The following SEMA3A variants were observed in gnomAD, a reference collection of about 807,000 sequenced individuals.
SEMA3A encodes semaphorin-3A.
Under a neutral mutation model 97.9 loss-of-function variants are expected in SEMA3A, and 29 were observed. That is an observed-to-expected ratio of 0.30 (90% CI 0.22 to 0.40). SEMA3A has a LOEUF of 0.40. Among genes scored for constraint, SEMA3A ranks in the 10% least tolerant of loss-of-function variants. The pLI, the probability that SEMA3A is intolerant of heterozygous loss-of-function variation, is 1.00. For synonymous variants in SEMA3A, 321 were observed against 323.7 expected, an observed-to-expected ratio of 0.99 and a Z score of 0.09; for missense variants, 763 against 951.3, an observed-to-expected ratio of 0.80 and a Z score of 2.60.
chr7:84,366,733 C>G (rs924268241), intron 2 of SEMA3A, among the ~76,000 whole-genome samples: 2 of 151,424 alleles, frequency 1.3e-5, no homozygotes, highest in Admixed American at 1.3e-4. Context: ...TAAACAACAA[C>G]TGAGAAAAGG....
At chr7:84,452,471 A>C (rs1297275535) in intron 1 of SEMA3A, among the ~76,000 whole-genome samples, 1 of 152,204 alleles carries the variant, frequency 6.6e-6, no homozygotes, top group East Asian at 1.9e-4. Context: ...GCCATTTGAG[A>C]GAATTTTGTT....
chr7:84,218,001 GA>G (rs568754977), intron 3 of SEMA3A, among the ~76,000 whole-genome samples: 34 of 146,072 alleles, frequency 2.3e-4, no homozygotes, highest in Middle Eastern at 3.6e-3. Flanking sequence ...CTCTGGTTAG[GA>G]AAAAAAAAAA....
At chr7:84,325,870 G>C (rs1346232012) in intron 2 of SEMA3A, among the ~76,000 whole-genome samples, 1 of 151,974 alleles carries the variant, frequency 6.6e-6, no homozygotes, top group African/African-American at 2.4e-5. Flanking sequence ...TGTTCATCTT[G>C]TAAGAGAACA....
At chr7:84,170,043 T>A (rs1285903313) in intron 1 of SEMA3A, among the ~76,000 whole-genome samples, 1 of 151,724 alleles carries the variant, frequency 6.6e-6, no homozygotes, top group Non-Finnish European at 1.5e-5. Flanking sequence ...AGAAAGGAAA[T>A]GACAAATATT....
intron 15 of SEMA3A, among the ~76,000 whole-genome samples, chr7:83,975,443 A>T (rs1416123829): frequency 6.6e-6 from 1 of 152,182 alleles, no homozygotes; most frequent in African/African-American, 2.4e-5. Context: ...TGTTGATAAT[A>T]ACAATGTATG....
intron 1 of SEMA3A, among the ~76,000 whole-genome samples, chr7:84,403,800 C>T (rs1482889884): frequency 6.6e-6 from 1 of 152,104 alleles, no homozygotes; most frequent in Admixed American, 6.6e-5. Context: ...GAGTGGACCT[C>T]CAGTAAACTC....
chr7:84,348,953 C>T (rs1254895326), intron 2 of SEMA3A, among the ~76,000 whole-genome samples: 3 of 152,092 alleles, frequency 2.0e-5, no homozygotes, highest in Non-Finnish European at 4.4e-5. Context: ...CACTGCACTC[C>T]AGCCTGGGCA....
At chr7:84,118,132 T>C (rs189325868) in intron 3 of SEMA3A, among the ~76,000 whole-genome samples, 12 of 152,302 alleles carry the variant, frequency 7.9e-5, no homozygotes, top group South Asian at 2.1e-4. Context: ...TAAACAGAGA[T>C]AGATTTAACA....
At chr7:84,036,034 G>A (rs530870760) in intron 6 of SEMA3A, among the ~76,000 whole-genome samples, 1 of 152,008 alleles carries the variant, frequency 6.6e-6, no homozygotes, top group Non-Finnish European at 1.5e-5. Context: ...AAGACTGGGT[G>A]TATTTAGACA....
intron 3 of SEMA3A, among the ~76,000 whole-genome samples, chr7:84,288,865 A>G (rs906408205): frequency 2.6e-5 from 4 of 152,144 alleles, no homozygotes; most frequent in African/African-American, 9.7e-5. Context: ...TACTGGGTAC[A>G]TATCTAAAAG....
At chr7:84,025,890 C>A (rs1215541783) in intron 6 of SEMA3A, among the ~76,000 whole-genome samples, 1 of 152,156 alleles carries the variant, frequency 6.6e-6, no homozygotes, top group African/African-American at 2.4e-5. Flanking sequence ...CTTCTACTGC[C>A]TCAAGCTACA....
intron 2 of SEMA3A, among the ~76,000 whole-genome samples, chr7:84,311,000 T>TTATATA (rs4016123): frequency 0.071 from 10,477 of 148,554 alleles, 511 homozygotes; most frequent in Middle Eastern, 0.092. Context: ...TTAGTAGATG[T>TTATATA]TATATATATA....
At chr7:84,261,972 T>A (rs2115663549) in intron 3 of SEMA3A, among the ~76,000 whole-genome samples, 1 of 152,374 alleles carries the variant, frequency 6.6e-6, no homozygotes, top group South Asian at 2.1e-4. Flanking sequence ...GAGGAAATCC[T>A]CTTTTAGCAG....
chr7:84,057,789 T>TAAAG (rs1554315731), intron 5 of SEMA3A, among the ~76,000 whole-genome samples: 11 of 151,358 alleles, frequency 7.3e-5, no homozygotes, highest in African/African-American at 1.7e-4. Flanking sequence ...AATAAATAAA[T>TAAAG]AAAGACTGGA....
chr7:84,328,775 G>T (rs1407214712), intron 2 of SEMA3A, among the ~76,000 whole-genome samples: 1 of 151,996 alleles, frequency 6.6e-6, no homozygotes, highest in African/African-American at 2.4e-5. Flanking sequence ...TGAATGAAAT[G>T]CAGTCTCAGC....
intron 3 of SEMA3A, among the ~76,000 whole-genome samples, chr7:84,280,051 C>G (rs1215555733): frequency 6.6e-6 from 1 of 152,066 alleles, no homozygotes; most frequent in Non-Finnish European, 1.5e-5. Flanking sequence ...GCACATGCCA[C>G]CATGTCTGGC....
intron 1 of SEMA3A, among the ~76,000 whole-genome samples, chr7:84,167,518 G>A (rs1042443721): frequency 2.0e-5 from 3 of 152,156 alleles, no homozygotes; most frequent in African/African-American, 7.2e-5. Context: ...GAATACTAGA[G>A]ACACAGAGAG....
chr7:84,400,147 C>T (rs575031590), intron 1 of SEMA3A, among the ~76,000 whole-genome samples: 1 of 152,136 alleles, frequency 6.6e-6, no homozygotes, highest in Non-Finnish European at 1.5e-5. Context: ...CCTCTGAATT[C>T]TTGGAAGGCC....
chr7:84,159,571 G>T (rs962330247), intron 1 of SEMA3A, among the ~76,000 whole-genome samples: 1 of 152,100 alleles, frequency 6.6e-6, no homozygotes, highest in Non-Finnish European at 1.5e-5. Context: ...TTCCAAGAGA[G>T]CTAACATAGT....
Sources: allele counts gnomAD v4.1 joint callset (sites outside exome capture counted in the v4.1 genomes callset), GRCh38; gene constraint gnomAD v4.1.1; transcripts MANE v1.5; gene names NCBI Gene and HGNC (gene_info 2026-07-23, HGNC 2026-07-21).